Variants in TNFRSF10B observed in about 807,000 individuals in gnomAD.
The protein encoded by TNFRSF10B is TNF receptor superfamily member 10b.
A neutral mutation model predicts 41.4 loss-of-function variants in TNFRSF10B; 35 were observed. The ratio of observed to expected loss-of-function variants is 0.85; its 90% CI spans 0.65 to 1.12. The LOEUF is 1.12. Among genes scored for constraint, TNFRSF10B ranks in the 50% most tolerant of loss-of-function variants. The pLI is 0.00. For synonymous variants in TNFRSF10B, 230 were observed against 215.5 expected (o/e 1.07, Z -0.59); for missense variants, 584 against 552.7 (o/e 1.06, Z -0.57).
chr8:23,044,955 C>T (rs1812311842), intron 1 of TNFRSF10B, among the ~76,000 whole-genome samples: 1 of 150,926 alleles, frequency 6.6e-6, no homozygotes, highest in Admixed American at 6.6e-5. Flanking sequence ...GTGGCTCATG[C>T]CTATAATCCC....
intron 5 of TNFRSF10B, 100 bp downstream of exon 5, chr8:23,028,231 T>G (rs1432741232): frequency 6.1e-5 from 95 of 1,556,082 alleles, no homozygotes; most frequent in Non-Finnish European, 8.1e-5. Context: ...CTGGAGGCAC[T>G]TAGACTTGGG....
rs1216275680 is a variant in TNFRSF10B at position 23,040,355 on chromosome 8, AATAT to A, written c.250+2779_250+2782del. Among the ~76,000 whole-genome samples the A allele has an allele frequency of 1.0e-3, 48 of 47,690 alleles. 1 individual carries two copies. Among genetic ancestry groups the A allele is most frequent in the African/African-American group, 3.5e-3 (48 of 13,604 alleles). The allele number at this position is 47,690 out of a possible 152,430, so 31.3% of individuals were successfully genotyped here. On this transcript the variant is annotated intron_variant, in intron 2 of 8. Transcript: ENST00000276431. ...ATATATATTTATTAAATATATACAA[AATAT>A]ATATTTAATAAATATATATACAAAA...
chr8:23,031,339 G>C (rs1297751139), intron 2 of TNFRSF10B, among the ~76,000 whole-genome samples: 1 of 151,742 alleles, frequency 6.6e-6, no homozygotes, highest in Non-Finnish European at 1.5e-5. Context: ...GCCTCCCAAA[G>C]TGCTGGGATT....
chr8:23,041,898 C>T (rs1563315070), intron 2 of TNFRSF10B, among the ~76,000 whole-genome samples: 1 of 152,158 alleles, frequency 6.6e-6, no homozygotes, highest in Non-Finnish European at 1.5e-5. Context: ...CTCATGGGCT[C>T]AGTTGTGCCC....
Position 23,028,156 on chromosome 8 carries a change from A to G in TNFRSF10B, c.748+175T>C, listed in dbSNP as rs147141851. The stretch of plus-strand genomic sequence containing the variant: ...ACCTGGGAGAGGGACTGAAGAGACC[A>G]GGGTCCTGGGGGGTGCACGGGATGT... On this transcript the variant is annotated intron_variant, in intron 5 of 8. Coordinates refer to ENST00000276431, the MANE Select transcript of TNFRSF10B (RefSeq NM_003842.5). 2.6e-3 allele frequency: 2,090 copies of G among 804,370 alleles called. 30 individuals carry two copies. In the African/African-American group the frequency reaches 0.03, roughly 11 times the overall value. 49.8% of individuals were successfully genotyped at this position (804,370 alleles called of 1,614,324 possible).
rs375146739 is a variant in TNFRSF10B, at chr8:23,030,746, A to G, written c.364+13T>C. ...CATTCCACCTTTAGGCATGGGGTCC[A>G]TATGTTCTGTACCTGAATCACACCT... On this transcript the variant is annotated intron_variant, in intron 3 of 8. Coordinates refer to ENST00000276431, the MANE Select transcript of TNFRSF10B (RefSeq NM_003842.5). 1.0e-4 allele frequency: 162 copies of G among 1,602,258 alleles called. No homozygotes were observed. Among genetic ancestry groups the G allele is most frequent in the Admixed American group, 5.4e-4 (32 of 59,266 alleles).
Position 23,020,488 on chromosome 8 carries a change from T to A in TNFRSF10B, c.*2183A>T, listed in dbSNP as rs28441503. The A allele has an allele frequency of 6.6e-3, 2,990 of 453,562 alleles. 71 individuals carry two copies. Among genetic ancestry groups the A allele is most frequent in the African/African-American group, 0.053 (2,676 of 50,062 alleles). 28.1% of individuals were successfully genotyped at this position (453,562 alleles called of 1,614,324 possible). On this transcript the variant is annotated 3_prime_UTR_variant, in exon 9 of 9. Coordinates refer to ENST00000276431, the MANE Select transcript of TNFRSF10B (RefSeq NM_003842.5). ...AGGTGGATCACCTGAGGTCAGGAGTTCGAGACCAGCCTGACCAACATGGTG... is the reference window on the plus strand; with the variant it reads ...AGGTGGATCACCTGAGGTCAGGAGTACGAGACCAGCCTGACCAACATGGTG...
chr8:23,054,712 A>G (rs1307388255), intron 1 of TNFRSF10B, among the ~76,000 whole-genome samples: 1 of 152,170 alleles, frequency 6.6e-6, no homozygotes, highest in Non-Finnish European at 1.5e-5. Context: ...CTGACAGGCC[A>G]GGAACCCCAA....
intron 1 of TNFRSF10B, among the ~76,000 whole-genome samples, chr8:23,051,792 C>G (rs1285251348): frequency 1.3e-5 from 2 of 152,124 alleles, no homozygotes; most frequent in African/African-American, 4.8e-5. Context: ...ATCCGCCCAC[C>G]TCGGCCTCCC....
chr8:23,022,614 C>T lies in TNFRSF10B; in HGVS notation c.*57G>A, dbSNP rs781513185. 4.4e-5 allele frequency: 71 copies of T among 1,604,354 alleles called. No individual in the cohort carries two copies. Among genetic ancestry groups the T allele is most frequent in the Non-Finnish European group, 5.8e-5 (68 of 1,173,054 alleles). Reference sequence around the variant, plus strand: ...TCCTACTGACTGGAGTCCAGTTGGGCTTTTTCCAGAAAAAAGGTAAACCAG... The same window carrying T: ...TCCTACTGACTGGAGTCCAGTTGGGTTTTTTCCAGAAAAAAGGTAAACCAG... On this transcript the variant is annotated 3_prime_UTR_variant, in exon 9 of 9. Coordinates refer to ENST00000276431, the MANE Select transcript of TNFRSF10B (RefSeq NM_003842.5).
chr8:23,040,004 C>T (rs931703101), intron 2 of TNFRSF10B, among the ~76,000 whole-genome samples: 2 of 151,706 alleles, frequency 1.3e-5, no homozygotes, highest in African/African-American at 2.4e-5. Flanking sequence ...ACAGCCTGAC[C>T]AACATGGTAA....
intron 2 of TNFRSF10B, among the ~76,000 whole-genome samples, chr8:23,033,585 C>CAAAAA (rs59282000): frequency 1.9e-4 from 12 of 62,278 alleles, no homozygotes; most frequent in African/African-American, 9.2e-4. Context: ...GACTCCGTCT[C>CAAAAA]AAAAAAAAAA....
chr8:23,062,012 C>G (rs1585228712), intron 1 of TNFRSF10B, among the ~76,000 whole-genome samples: 1 of 152,194 alleles, frequency 6.6e-6, no homozygotes, highest in Non-Finnish European at 1.5e-5. Flanking sequence ...ATATCTTTAT[C>G]TGCTTGGGTA....
At chr8:23,042,660 T>A (rs1812238493) in intron 2 of TNFRSF10B, among the ~76,000 whole-genome samples, 5 of 152,170 alleles carry the variant, frequency 3.3e-5, no homozygotes, top group Admixed American at 6.5e-5. Flanking sequence ...CCATCACTCA[T>A]GAAATAAAAT....
At position 23,028,410 on chromosome 8, in the gene TNFRSF10B, T is replaced by C. The variant is rs775970304; in HGVS notation, c.669A>G (p.Val223=). The C allele has an allele frequency of 3.1e-6, 5 of 1,614,070 alleles. No homozygotes were observed. The African/African-American group carries it at 6.7e-5, about 22-fold the overall frequency. Residue 223 remains valine, a synonymous_variant, in exon 5 of 9, where the codon GTA becomes GTG. Coordinates refer to ENST00000276431, the MANE Select transcript of TNFRSF10B (RefSeq NM_003842.5). Reference sequence around the variant, plus strand: ...AAACAAACACAGCCACAATCAAGACTACGGCTGCAACTGTGACTCCTATGA... The same window carrying C: ...AAACAAACACAGCCACAATCAAGACCACGGCTGCAACTGTGACTCCTATGA... ...GIIIGVTVAA[V]VLIVAVFVCK... is the part of the protein sequence containing the mutation.
intron 1 of TNFRSF10B, among the ~76,000 whole-genome samples, chr8:23,054,919 A>G (rs1378851923): frequency 1.3e-5 from 2 of 152,238 alleles, no homozygotes; most frequent in African/African-American, 4.8e-5. Context: ...TAATTAGGCC[A>G]AGTATAATAA....
At chr8:23,062,636 C>T (rs9644062) in intron 1 of TNFRSF10B, among the ~76,000 whole-genome samples, 26,667 of 152,138 alleles carry the variant, frequency 0.18, 2,472 homozygotes, top group South Asian at 0.21. Context: ...AAACTTAGCT[C>T]GTTGATTTAA....
At chr8:23,027,779 A>G (rs1280387916) in intron 5 of TNFRSF10B, 26 bp from the exon 6 acceptor site, 1 of 1,613,966 alleles carries the variant, frequency 6.2e-7, no homozygotes, top group East Asian at 2.2e-5. Flanking sequence ...TCTCCTTAGC[A>G]GGAAGGGAGG....
rs771858144 is a variant in TNFRSF10B at position 23,027,291 on chromosome 8, G to A, written c.781-3C>T. Reference sequence around the variant, plus strand: ...TCAGCCCCAGGTCGTTGTGAGCTCTGGAAAAAGACATTGGGAAGGCAAAAA... The same window carrying A: ...TCAGCCCCAGGTCGTTGTGAGCTCTAGAAAAAGACATTGGGAAGGCAAAAA... On this transcript the variant is annotated splice_polypyrimidine_tract_variant and splice_region_variant and intron_variant, in intron 6 of 8. Coordinates refer to ENST00000276431, the MANE Select transcript of TNFRSF10B (RefSeq NM_003842.5). 2 of 1,613,928 alleles carry A rather than the reference G, an allele frequency of 1.2e-6. No individual in the cohort carries two copies. Among genetic ancestry groups the A allele is most frequent in the African/African-American group, 1.3e-5 (1 of 74,886 alleles).
Sources: gnomAD v4.1 joint callset for allele counts (sites outside exome capture counted in the v4.1 genomes callset) on GRCh38, gnomAD v4.1.1 for gene constraint, MANE v1.5 for transcripts, NCBI Gene and HGNC (gene_info 2026-07-23, HGNC 2026-07-21) for gene names.